The following CDH12 variants were observed in gnomAD, a reference collection of about 807,000 sequenced individuals.
The protein encoded by CDH12 is cadherin-12.
CDH12 carries 41 observed loss-of-function variants against 74.1 expected under a neutral mutation model. The ratio of observed to expected loss-of-function variants is 0.55; its 90% confidence interval spans 0.43 to 0.72. CDH12 has a LOEUF of 0.72. Ranked by LOEUF, CDH12 falls within the 30% of genes least tolerant of loss-of-function variation. The pLI, the probability that CDH12 is intolerant of heterozygous loss-of-function variation, is 0.00. For synonymous variants in CDH12, 399 were observed against 355.0 expected (o/e 1.12, Z -1.39); for missense variants, 945 against 977.2 (o/e 0.97, Z 0.44).
At chr5:22,480,124 A>G (rs1466502450) in intron 2 of CDH12, among the ~76,000 whole-genome samples, 4 of 152,200 alleles carry the variant, frequency 2.6e-5, no homozygotes, top group Non-Finnish European at 5.9e-5. Flanking sequence ...CACACAGATC[A>G]TGGCAGATAT....
intron 1 of CDH12, among the ~76,000 whole-genome samples, chr5:22,517,023 A>T (rs551873458): frequency 1.1e-3 from 171 of 152,134 alleles, no homozygotes; most frequent in African/African-American, 3.9e-3. Flanking sequence ...ATTGAATTAC[A>T]TTTTCTTTTT....
chr5:22,330,493 T>C (rs1580530630), intron 3 of CDH12, among the ~76,000 whole-genome samples: 1 of 151,932 alleles, frequency 6.6e-6, no homozygotes, highest in African/African-American at 2.4e-5. Context: ...TGGCTCACAC[T>C]TGTAATCCCA....
intron 3 of CDH12, among the ~76,000 whole-genome samples, chr5:22,244,514 AAAAAAAAAAAAAAAAAAAAGAAG>A (rs1220860333): frequency 0.014 from 755 of 55,014 alleles, 87 homozygotes; most frequent in East Asian, 0.057. Flanking sequence ...AAAAAAAAAA[AAAAAAAAAAAAAAAAAAAAGAAG>A]AAGAAGAAGA....
At chr5:22,431,338 C>G (rs987916348) in intron 2 of CDH12, among the ~76,000 whole-genome samples, 1 of 152,132 alleles carries the variant, frequency 6.6e-6, no homozygotes, top group Non-Finnish European at 1.5e-5. Context: ...CTAGTGGCAA[C>G]GTAGCCATCA....
chr5:22,546,016 C>T (rs897657781), intron 1 of CDH12, among the ~76,000 whole-genome samples: 1 of 152,086 alleles, frequency 6.6e-6, no homozygotes, highest in African/African-American at 2.4e-5. Flanking sequence ...ACAATCTCGG[C>T]TCACTGCAAC....
intron 4 of CDH12, among the ~76,000 whole-genome samples, chr5:22,097,649 C>T (rs1384034410): frequency 6.6e-5 from 10 of 152,080 alleles, no homozygotes; most frequent in Admixed American, 6.6e-4. Context: ...TCTTGGGCTA[C>T]AGCCACACCT....
intron 10 of CDH12, among the ~76,000 whole-genome samples, chr5:21,797,599 T>TAGAACTA (rs139265433): frequency 0.016 from 2,445 of 152,224 alleles, 23 homozygotes; most frequent in Non-Finnish European, 0.025. Context: ...TGCGACTCAT[T>TAGAACTA]AGAACTAAGA....
At chr5:21,844,621 G>T (rs1199685653) in intron 7 of CDH12, among the ~76,000 whole-genome samples, 1 of 152,106 alleles carries the variant, frequency 6.6e-6, no homozygotes, top group Non-Finnish European at 1.5e-5. Flanking sequence ...AAAAGGTCTT[G>T]ACAATTTTTA....
chr5:22,704,836 A>G (rs941844354), intron 1 of CDH12, among the ~76,000 whole-genome samples: 2 of 151,956 alleles, frequency 1.3e-5, no homozygotes, highest in African/African-American at 4.8e-5. Context: ...TTGTTGAGGA[A>G]CCCATTATGA....
intron 3 of CDH12, among the ~76,000 whole-genome samples, chr5:22,342,151 A>G (rs1739880889): frequency 6.6e-6 from 1 of 152,114 alleles, no homozygotes; most frequent in South Asian, 2.1e-4. Context: ...ATGAGGCCTC[A>G]CACACATTAC....
At chr5:21,883,295 G>A (rs1579903338) in intron 6 of CDH12, 1 of 1,474,854 alleles carries the variant, frequency 6.8e-7, no homozygotes, top group Non-Finnish European at 9.5e-7. Flanking sequence ...CAAAAGGTCA[G>A]AAATGTGAAT....
At chr5:21,961,012 G>A (rs1205353329) in intron 6 of CDH12, among the ~76,000 whole-genome samples, 1 of 151,956 alleles carries the variant, frequency 6.6e-6, no homozygotes, top group Non-Finnish European at 1.5e-5. Flanking sequence ...ATATTTTCAT[G>A]AAATTTTTTG....
At chr5:22,448,744 T>A (rs1345461420) in intron 2 of CDH12, among the ~76,000 whole-genome samples, 1 of 151,996 alleles carries the variant, frequency 6.6e-6, no homozygotes, top group South Asian at 2.1e-4. Flanking sequence ...AACAGTCTTA[T>A]CCTGGATACA....
intron 5 of CDH12, among the ~76,000 whole-genome samples, chr5:22,075,856 G>C (rs1316081919): frequency 1.3e-5 from 2 of 151,938 alleles, no homozygotes; most frequent in African/African-American, 4.8e-5. Context: ...CCTTTGCTCT[G>C]AGTTCTATAT....
At position 22,334,063 on chromosome 5, in the gene CDH12, G is replaced by A. The variant is rs192216891; in HGVS notation, c.-333+71194C>T. On this transcript the variant is annotated intron_variant, in intron 3 of 14. Transcript: ENST00000382254. ...ATTGAAAGTCTCTTCTCTTAGATCC[G>A]GAACATGACAAAGATCCCCACAGTC... Among the ~76,000 whole-genome samples the A allele has an allele frequency of 1.2e-4, 18 of 152,082 alleles. No homozygotes were observed. In the East Asian group the frequency reaches 2.3e-3, roughly 20 times the overall value.
At chr5:22,807,328 C>A (rs1251787842) in intron 1 of CDH12, among the ~76,000 whole-genome samples, 2 of 152,076 alleles carry the variant, frequency 1.3e-5, no homozygotes, top group East Asian at 1.9e-4. Flanking sequence ...ATTTCAGTTT[C>A]TTTTGAATGC....
At chr5:22,688,701 G>A (rs1387758481) in intron 1 of CDH12, among the ~76,000 whole-genome samples, 1 of 152,116 alleles carries the variant, frequency 6.6e-6, no homozygotes, top group East Asian at 1.9e-4. Flanking sequence ...ATGAAAAAAT[G>A]TGCCAAAAAT....
intron 2 of CDH12, among the ~76,000 whole-genome samples, chr5:22,443,002 G>A (rs1346563464): frequency 6.6e-6 from 1 of 152,084 alleles, no homozygotes. Flanking sequence ...CACAGGTCTT[G>A]CCTAGGCCAA....
At chr5:21,781,385 A>G (rs138291554) in intron 11 of CDH12, among the ~76,000 whole-genome samples, 59 of 152,306 alleles carry the variant, frequency 3.9e-4, no homozygotes, top group African/African-American at 1.3e-3. Flanking sequence ...AAGAATTAGC[A>G]TTTGAACAAC....
Sources: gnomAD v4.1 joint callset for allele counts (sites outside exome capture counted in the v4.1 genomes callset) on GRCh38, gnomAD v4.1.1 for gene constraint, MANE v1.5 for transcripts, NCBI Gene and HGNC (gene_info 2026-07-23, HGNC 2026-07-21) for gene names.